The following NDRG3 variants were observed in gnomAD, a reference collection of about 807,000 sequenced individuals.
NDRG3 encodes protein NDRG3.
In NDRG3, 23 loss-of-function variants were observed where a neutral mutation model predicts 57.2. The observed-to-expected ratio is 0.40, with a 90% CI of 0.29 to 0.57. The LOEUF is 0.57. Ranked by LOEUF, NDRG3 falls within the 20% of genes least tolerant of loss-of-function variation. The probability of loss-of-function intolerance (pLI) is 0.42; values close to 1 mark genes in which losing one functional copy is unlikely to be tolerated. For synonymous variants in NDRG3, 132 were observed against 162.6 expected (o/e 0.81, Z 1.43); for missense variants, 384 against 457.3 (o/e 0.84, Z 1.46).
At chr20:36,687,986 G>A (rs1014520435) in intron 4 of NDRG3, among the ~76,000 whole-genome samples, 3 of 152,214 alleles carry the variant, frequency 2.0e-5, no homozygotes, top group Admixed American at 6.5e-5. Context: ...CACAGGTGGC[G>A]TGAATGTCCT....
intron 6 of NDRG3, among the ~76,000 whole-genome samples, chr20:36,682,945 T>G (rs1436642821): frequency 8.7e-6 from 1 of 114,930 alleles, no homozygotes; most frequent in African/African-American, 3.3e-5. Flanking sequence ...GTGCGCCTGT[T>G]AAAAAAAAAA....
intron 1 of NDRG3, among the ~76,000 whole-genome samples, chr20:36,729,117 T>C (rs1344174840): frequency 6.6e-6 from 1 of 152,182 alleles, no homozygotes; most frequent in Non-Finnish European, 1.5e-5. Flanking sequence ...AGCAAGTTTT[T>C]TCCTCTTTAC....
chr20:36,745,997 A>T, intron 1 of NDRG3, 48 bp downstream of exon 1: 2 of 281,344 alleles, frequency 7.1e-6, no homozygotes. Flanking sequence ...ACGCCCCCGA[A>T]TGCGGCGCCG....
intron 3 of NDRG3, chr20:36,700,492 A>G (rs1388411447): frequency 1.9e-6 from 1 of 532,042 alleles, no homozygotes; most frequent in Non-Finnish European, 3.9e-6. Flanking sequence ...AGCTTGAAAA[A>G]AACTCCATCT....
At chr20:36,728,262 C>T (rs539615558) in intron 1 of NDRG3, among the ~76,000 whole-genome samples, 40 of 152,074 alleles carry the variant, frequency 2.6e-4, no homozygotes, top group Non-Finnish European at 4.4e-4. Context: ...CACTGTTAAC[C>T]AGGATGGTCT....
chr20:36,661,908 A>G (rs994613691), intron 12 of NDRG3, among the ~76,000 whole-genome samples: 2 of 152,226 alleles, frequency 1.3e-5, no homozygotes, highest in Non-Finnish European at 2.9e-5. Context: ...GGGATAATAT[A>G]AAAGTCAGGA....
At chr20:36,703,432 A>G (rs1171754362) in intron 3 of NDRG3, among the ~76,000 whole-genome samples, 3 of 149,776 alleles carry the variant, frequency 2.0e-5, no homozygotes, top group Non-Finnish European at 2.9e-5. Context: ...CTATCTATCT[A>G]TCTATCTATC....
At chr20:36,733,170 A>AC (rs61009016) in intron 1 of NDRG3, among the ~76,000 whole-genome samples, 1 of 30,064 alleles carries the variant, frequency 3.3e-5, no homozygotes. Flanking sequence ...AAAAAAAAAA[A>AC]AATATATATA....
chr20:36,659,790 G>A (rs1427083143), intron 13 of NDRG3, among the ~76,000 whole-genome samples: 6 of 151,616 alleles, frequency 4.0e-5, no homozygotes, highest in African/African-American at 1.2e-4. Context: ...TAGTAGAGAC[G>A]GGGTTTCACC....
intron 13 of NDRG3, among the ~76,000 whole-genome samples, chr20:36,658,009 G>A (rs1357532850): frequency 6.6e-6 from 1 of 152,054 alleles, no homozygotes; most frequent in Non-Finnish European, 1.5e-5. Flanking sequence ...TCTATTCTAT[G>A]GTGTTGTAGA....
chr20:36,733,525 C>T (rs1244856898), intron 1 of NDRG3, among the ~76,000 whole-genome samples: 1 of 151,490 alleles, frequency 6.6e-6, no homozygotes, highest in Non-Finnish European at 1.5e-5. Flanking sequence ...GAGATTGAGA[C>T]CATCCTGGCC....
intron 1 of NDRG3, among the ~76,000 whole-genome samples, chr20:36,726,632 G>A (rs953966698): frequency 1.1e-4 from 17 of 152,186 alleles, no homozygotes; most frequent in Non-Finnish European, 2.2e-4. Flanking sequence ...TGGTATGGCT[G>A]CCAGATCCCA....
chr20:36,672,933 A>G (rs928669218), intron 8 of NDRG3, among the ~76,000 whole-genome samples: 6 of 151,742 alleles, frequency 4.0e-5, no homozygotes, highest in Non-Finnish European at 1.5e-5. Context: ...GCACCATCAT[A>G]GCTCACTGAA....
chr20:36,688,581 G>A lies in NDRG3; in HGVS notation c.199+98C>T, dbSNP rs1034537790. Reference sequence around the variant, plus strand: ...AGGAGGGAAAGTTACCACAGAGAGGGGGAAACCTCTGCTCTATTAGAATAT... The same window carrying A: ...AGGAGGGAAAGTTACCACAGAGAGGAGGAAACCTCTGCTCTATTAGAATAT... On this transcript the variant is annotated intron_variant, in intron 4 of 15. Coordinates refer to ENST00000349004, the MANE Select transcript of NDRG3 (RefSeq NM_032013.4). 9 of 887,118 alleles carry A rather than the reference G, an allele frequency of 1.0e-5. No individual in the cohort carries two copies. In the African/African-American group the frequency reaches 1.3e-4, roughly 13 times the overall value. 55.0% of individuals were successfully genotyped at this position (887,118 alleles called of 1,614,324 possible).
intron 1 of NDRG3, among the ~76,000 whole-genome samples, chr20:36,728,015 A>G (rs1224671991): frequency 1.3e-5 from 2 of 152,038 alleles, no homozygotes; most frequent in Non-Finnish European, 2.9e-5. Flanking sequence ...CCTGGGCAAC[A>G]CAGCAAGACC....
chr20:36,656,082 T>G (rs1978630812), intron 15 of NDRG3, among the ~76,000 whole-genome samples: 1 of 137,158 alleles, frequency 7.3e-6, no homozygotes, highest in South Asian at 2.2e-4. Context: ...TGCAGTGAGC[T>G]GAGATCACAC....
rs1978311061 is a variant in NDRG3 at position 36,651,774 on chromosome 20, C to T, written c.*1746G>A. 1.3e-5 allele frequency: 2 copies of T among 152,222 alleles called. No homozygotes were observed. Among genetic ancestry groups the T allele is most frequent in the East Asian group, 1.9e-4 (1 of 5,204 alleles). The allele number at this position is 152,222 out of a possible 1,614,324, so 9.4% of individuals were successfully genotyped here. ...AGAAATAACACCAGCAATCAGGTAA[C>T]AATGAGACATATGCAGCTTTATTTA... On this transcript the variant is annotated 3_prime_UTR_variant, in exon 16 of 16. Coordinates refer to ENST00000349004, the MANE Select transcript of NDRG3 (RefSeq NM_032013.4).
At position 36,715,006 on chromosome 20, in the gene NDRG3, GTATATATATATATATATATATATATATA is replaced by G. The variant is rs545495779; in HGVS notation, c.57+6645_57+6672del. Among the ~76,000 whole-genome samples the G allele has an allele frequency of 1.5e-3, 41 of 26,714 alleles. 1 individual carries two copies. Among genetic ancestry groups the G allele is most frequent in the African/African-American group, 4.8e-3 (38 of 7,910 alleles). The allele number at this position is 26,714 out of a possible 152,430, so 17.5% of individuals were successfully genotyped here. On this transcript the variant is annotated intron_variant, in intron 2 of 15. Coordinates refer to ENST00000349004, the MANE Select transcript of NDRG3 (RefSeq NM_032013.4). ...TCTGTGTGTGTGTGTGTGTGTGTGTGTATATATATATATATATATATATATATATATATATATATATATATATATTATA... is the reference window on the plus strand; with the variant it reads ...TCTGTGTGTGTGTGTGTGTGTGTGTGTATATATATATATATATATATTATA...
At chr20:36,729,006 G>A (rs1479301017) in intron 1 of NDRG3, among the ~76,000 whole-genome samples, 2 of 152,126 alleles carry the variant, frequency 1.3e-5, no homozygotes, top group Non-Finnish European at 2.9e-5. Context: ...ACAGGTGTAA[G>A]CCACTGCTTC....
Sources: allele counts gnomAD v4.1 joint callset (sites outside exome capture counted in the v4.1 genomes callset), GRCh38; gene constraint gnomAD v4.1.1; transcripts MANE v1.5; gene names NCBI Gene and HGNC (gene_info 2026-07-23, HGNC 2026-07-21).